Variants in NUDCD3 observed in about 807,000 individuals in gnomAD.
NUDCD3 encodes NudC domain containing 3, also known as nudC domain-containing protein 3.
A neutral mutation model predicts 39.7 loss-of-function variants in NUDCD3; 13 were observed. The ratio of observed to expected loss-of-function variants is 0.33; its 90% confidence interval spans 0.21 to 0.52. NUDCD3 has a LOEUF of 0.52. Among genes scored for constraint, NUDCD3 ranks in the 20% least tolerant of loss-of-function variants. The probability of loss-of-function intolerance (pLI) is 0.96; values close to 1 mark genes in which losing one functional copy is unlikely to be tolerated. For missense variants in NUDCD3, 453 were observed against 458.1 expected (o/e 0.99, Z 0.10); for synonymous variants, 175 against 172.4 (o/e 1.02, Z -0.12).
chr7:44,461,367 C>T (rs891867171), intron 2 of NUDCD3, among the ~76,000 whole-genome samples: 6 of 152,194 alleles, frequency 3.9e-5, no homozygotes, highest in African/African-American at 1.4e-4. Flanking sequence ...CCTGAAACAT[C>T]ATAGAAGGTA....
intron 2 of NUDCD3, among the ~76,000 whole-genome samples, chr7:44,469,336 A>G (rs993787971): frequency 1.2e-4 from 18 of 152,134 alleles, no homozygotes; most frequent in African/African-American, 4.1e-4. Context: ...ACAGAATGAG[A>G]TGTTGCCCAA....
At chr7:44,415,149 G>C (rs867559417) in intron 3 of NUDCD3, among the ~76,000 whole-genome samples, 1 of 152,232 alleles carries the variant, frequency 6.6e-6, no homozygotes, top group African/African-American at 2.4e-5. Context: ...CCCACCATGA[G>C]AGTTTTCTCA....
chr7:44,420,553 T>C (rs1585067093), intron 3 of NUDCD3, among the ~76,000 whole-genome samples: 2 of 152,136 alleles, frequency 1.3e-5, no homozygotes, highest in East Asian at 3.9e-4. Context: ...AATCGTCAGA[T>C]TCTCCAAGGT....
intron 4 of NUDCD3, among the ~76,000 whole-genome samples, chr7:44,401,913 C>G (rs1798734721): frequency 6.6e-6 from 1 of 152,238 alleles, no homozygotes; most frequent in African/African-American, 2.4e-5. Context: ...CCTCTTAAGG[C>G]ACAGCTCCCC....
rs1798275299 is a variant in NUDCD3 at position 44,379,617 on chromosome 7, G to A, written c.*6394C>T. The A allele has an allele frequency of 6.6e-6, 1 of 152,268 alleles. No individual in the cohort carries two copies. The allele number at this position is 152,268 out of a possible 1,614,324, so 9.4% of individuals were successfully genotyped here. On this transcript the variant is annotated 3_prime_UTR_variant, in exon 6 of 6. Coordinates refer to ENST00000355451, the MANE Select transcript of NUDCD3 (RefSeq NM_015332.4). The stretch of plus-strand genomic sequence containing the variant: ...CTGTCTGGATATCACTTGACTTTTG[G>A]GTGTGGTTGGTGTTGCTTTAAGTTT...
At chr7:44,436,783 A>T (rs1364102096) in intron 2 of NUDCD3, among the ~76,000 whole-genome samples, 1 of 152,162 alleles carries the variant, frequency 6.6e-6, no homozygotes, top group African/African-American at 2.4e-5. Flanking sequence ...GATGTGTAGA[A>T]GTTCTTTATA....
intron 2 of NUDCD3, among the ~76,000 whole-genome samples, chr7:44,434,817 T>G (rs1189133094): frequency 6.6e-6 from 1 of 152,230 alleles, no homozygotes; most frequent in African/African-American, 2.4e-5. Context: ...ACTAGGTCAC[T>G]CAGCCTCTCT....
At position 44,490,438 on chromosome 7, in the gene NUDCD3, G is replaced by GCT. The variant is rs1800713793; in HGVS notation, c.162_163insAG (p.Pro55SerfsTer63). ...AGCACCAAGGCCTGCGCGGCCCCGG[G>GCT]CGGGAAGCCCATGCGGTCCGATGGG... On this transcript the variant is annotated frameshift_variant, in exon 1 of 6. Transcript: ENST00000355451. LOFTEE classifies it high-confidence loss of function. The GCT allele has an allele frequency of 6.3e-7, 1 of 1,590,034 alleles. No individual in the cohort carries two copies. The highest frequency in any genetic ancestry group is 8.6e-7 in the Non-Finnish European group (1 of 1,169,008).
At chr7:44,485,408 C>T in intron 1 of NUDCD3, 124 bp from the exon 2 acceptor site, 2 of 818,214 alleles carry the variant, frequency 2.4e-6, no homozygotes, top group Non-Finnish European at 3.7e-6. Context: ...AGTTTTCCCA[C>T]TGGCAAAATG....
Position 44,381,845 on chromosome 7 carries a change from G to C in NUDCD3, c.*4166C>G, listed in dbSNP as rs1798310090. ...CTGAGAAGACAGCAAACGCCAGCTT[G>C]CCAGGGGTTTACCCAGAAAGCCCAG... On this transcript the variant is annotated 3_prime_UTR_variant, in exon 6 of 6. Coordinates refer to ENST00000355451, the MANE Select transcript of NUDCD3 (RefSeq NM_015332.4). The C allele has an allele frequency of 6.6e-6, 1 of 152,350 alleles. No individual in the cohort carries two copies. The highest frequency in any genetic ancestry group is 2.4e-5 in the African/African-American group (1 of 41,442). The allele number at this position is 152,350 out of a possible 1,614,324, so 9.4% of individuals were successfully genotyped here.
At chr7:44,484,002 C>T (rs1044444610) in intron 2 of NUDCD3, among the ~76,000 whole-genome samples, 4 of 152,142 alleles carry the variant, frequency 2.6e-5, no homozygotes, top group Admixed American at 6.6e-5. Flanking sequence ...GAGTAAGATC[C>T]GGTCTCTATT....
rs778637751 is a variant in NUDCD3, at chr7:44,392,333, G to C, written c.939C>G (p.His313Gln). 3 of 1,614,170 alleles carry C rather than the reference G, an allele frequency of 1.9e-6. No individual in the cohort carries two copies. Among genetic ancestry groups the C allele is most frequent in the Non-Finnish European group, 2.5e-6 (3 of 1,180,026 alleles). The part of the protein sequence containing the change: ...AVLDRLTFDY[H>Q]QKLQGKPQSH... ...TCTGTGGCTTGCCCTGCAGCTTCTG[G>C]TGGTAGTCAAAGGTAAGCCTGTCCA... is the stretch of plus-strand genomic sequence containing the variant. Residue 313 changes from histidine (H) to glutamine (Q), a missense_variant, in exon 5 of 6, where the codon CAC becomes CAG. Physicochemically the swap from His to Gln is conservative, Grantham distance 24. Transcript: ENST00000355451.
intron 2 of NUDCD3, among the ~76,000 whole-genome samples, chr7:44,433,499 T>A (rs1390402724): frequency 1.3e-5 from 2 of 152,008 alleles, no homozygotes; most frequent in Non-Finnish European, 2.9e-5. Flanking sequence ...GTGTGTGTGG[T>A]GCATGTGGGC....
chr7:44,457,206 T>G (rs945621860), intron 2 of NUDCD3, among the ~76,000 whole-genome samples: 2 of 152,192 alleles, frequency 1.3e-5, no homozygotes, highest in African/African-American at 4.8e-5. Flanking sequence ...GTAAGGACTG[T>G]AGCTCACATC....
At chr7:44,429,071 T>TC (rs1174825425) in intron 2 of NUDCD3, among the ~76,000 whole-genome samples, 1 of 152,184 alleles carries the variant, frequency 6.6e-6, no homozygotes, top group Non-Finnish European at 1.5e-5. Context: ...GGGCAGGCTT[T>TC]CTCTGGCCAG....
intron 2 of NUDCD3, among the ~76,000 whole-genome samples, chr7:44,428,442 C>CAAAA (rs1222224525): frequency 7.7e-6 from 1 of 130,652 alleles, no homozygotes; most frequent in East Asian, 2.2e-4. Flanking sequence ...AAACTCTGCT[C>CAAAA]AAAAAAAAAA....
intron 2 of NUDCD3, among the ~76,000 whole-genome samples, chr7:44,480,615 A>G (rs1027554270): frequency 2.0e-5 from 3 of 152,160 alleles, no homozygotes; most frequent in Non-Finnish European, 2.9e-5. Context: ...CCCAAAAAAT[A>G]TTTACCAAAA....
rs527583831 is a variant in NUDCD3, at chr7:44,392,595, C to T, written c.787-110G>A. On this transcript the variant is annotated intron_variant, in intron 4 of 5. Coordinates refer to ENST00000355451, the MANE Select transcript of NUDCD3 (RefSeq NM_015332.4). The stretch of plus-strand genomic sequence containing the variant: ...TGGGTGTCCAGGATAAGCTCAGGAC[C>T]AACTACACAAAGGGAGGTGACAGAC... 5.4e-5 allele frequency: 49 copies of T among 902,340 alleles called. 1 individual carries two copies. In the South Asian group the frequency reaches 7.9e-4, roughly 15 times the overall value. The allele number at this position is 902,340 out of a possible 1,614,324, so 55.9% of individuals were successfully genotyped here.
At chr7:44,423,343 A>T (rs1799175039) in intron 3 of NUDCD3, among the ~76,000 whole-genome samples, 1 of 152,200 alleles carries the variant, frequency 6.6e-6, no homozygotes, top group African/African-American at 2.4e-5. Context: ...GAAGGGAGGA[A>T]GTCAAATTGT....
Sources: allele counts gnomAD v4.1 joint callset (sites outside exome capture counted in the v4.1 genomes callset), GRCh38; gene constraint gnomAD v4.1.1; transcripts MANE v1.5; gene names NCBI Gene and HGNC (gene_info 2026-07-23, HGNC 2026-07-21).